Variants in PROKR1 observed in about 807,000 individuals in gnomAD.
PROKR1 encodes the protein G protein-coupled receptor 73.
A neutral mutation model predicts 22.8 loss-of-function variants in PROKR1; 21 were observed. The ratio of observed to expected loss-of-function variants is 0.92; its 90% confidence interval spans 0.65 to 1.32. The LOEUF (loss-of-function observed/expected upper bound fraction) is 1.32, where lower values mean the gene tolerates loss of function less well. Among genes scored for constraint, PROKR1 ranks in the 40% most tolerant of loss-of-function variants. The pLI is 0.00. For missense variants in PROKR1, 548 were observed against 514.2 expected (o/e 1.07, Z -0.64); for synonymous variants, 193 against 207.5 (o/e 0.93, Z 0.60).
chr2:68,645,763 C>T lies in PROKR1; in HGVS notation c.-59C>T. On this transcript the variant is annotated 5_prime_UTR_variant, in exon 2 of 3. Coordinates refer to ENST00000303786, the MANE Select transcript of PROKR1 (RefSeq NM_138964.4). ...GATAGCAGAGAGGGGTGACATCAGC[C>T]TTGCAGACATTGCCCTGGGGAATTC... 4 of 1,613,530 alleles carry T rather than the reference C, an allele frequency of 2.5e-6. No homozygotes were observed. In the South Asian group the frequency reaches 4.4e-5, roughly 18 times the overall value.
At chr2:68,648,740 C>G (rs1018639022) in intron 2 of PROKR1, among the ~76,000 whole-genome samples, 1 of 152,162 alleles carries the variant, frequency 6.6e-6, no homozygotes, top group Non-Finnish European at 1.5e-5. Context: ...TGGTTTATAA[C>G]AGATCTACTT....
chr2:68,651,474 G>A (rs1180967533), intron 2 of PROKR1, among the ~76,000 whole-genome samples: 1 of 152,180 alleles, frequency 6.6e-6, no homozygotes, highest in Non-Finnish European at 1.5e-5. Context: ...AGCGTGTGGG[G>A]GCTCCAGAGA....
chr2:68,652,980 C>T (rs1673367743), intron 2 of PROKR1, among the ~76,000 whole-genome samples: 1 of 152,174 alleles, frequency 6.6e-6, no homozygotes, highest in Non-Finnish European at 1.5e-5. Context: ...GGTGAAAATT[C>T]TTATAGTGAA....
intron 1 of PROKR1, among the ~76,000 whole-genome samples, chr2:68,645,117 G>A (rs2104178380): frequency 6.6e-6 from 1 of 152,290 alleles, no homozygotes; most frequent in African/African-American, 2.4e-5. Flanking sequence ...TCATCACTTG[G>A]TTAGTCACAG....
chr2:68,655,427 G>A lies in PROKR1; in HGVS notation c.1033G>A (p.Val345Ile), dbSNP rs377207792. The A allele has an allele frequency of 3.3e-5, 53 of 1,613,942 alleles. No individual in the cohort carries two copies. Among genetic ancestry groups the A allele is most frequent in the Non-Finnish European group, 4.0e-5 (47 of 1,179,912 alleles). ...GATCAACACTCTGTGCTTCGTGACC[G>A]TCAAGAACGACACCGTCAAGTACTT... The part of the protein sequence containing the change: ...SMINTLCFVT[V>I]KNDTVKYFKK... Residue 345 changes from valine to isoleucine, a missense_variant, in exon 3 of 3, where the codon GTC becomes ATC. By Grantham distance (29) the Val-to-Ile change is conservative. Coordinates refer to ENST00000303786, the MANE Select transcript of PROKR1 (RefSeq NM_138964.4).
At position 68,655,123 on chromosome 2, in the gene PROKR1, C is replaced by T; in HGVS notation, c.729C>T (p.Gly243=). 6.2e-7 allele frequency: 1 copy of T among 1,614,192 alleles called. No individual in the cohort carries two copies. Among genetic ancestry groups the T allele is most frequent in the Non-Finnish European group, 8.5e-7 (1 of 1,180,050 alleles). The change falls in exon 3 of 3, where the codon GGC becomes GGT. Residue 243 remains glycine, a synonymous_variant. Coordinates refer to ENST00000303786, the MANE Select transcript of PROKR1 (RefSeq NM_138964.4). ...TTATCTTTGGCATAGAATTCGTGGGCCCCGTGGTCACCATGACCCTGTGCT... is the reference window on the plus strand; with the variant it reads ...TTATCTTTGGCATAGAATTCGTGGGTCCCGTGGTCACCATGACCCTGTGCT... ...FLFIFGIEFV[G]PVVTMTLCYA... is the part of the protein sequence containing the mutation.
intron 2 of PROKR1, among the ~76,000 whole-genome samples, chr2:68,647,390 T>C (rs1673210128): frequency 6.6e-6 from 1 of 152,192 alleles, no homozygotes; most frequent in Non-Finnish European, 1.5e-5. Context: ...ACAATTATCC[T>C]GAGGATCAAA....
chr2:68,651,703 CA>C (rs1474741420), intron 2 of PROKR1, among the ~76,000 whole-genome samples: 2 of 152,182 alleles, frequency 1.3e-5, no homozygotes, highest in Non-Finnish European at 2.9e-5. Flanking sequence ...CTGCTGAGAC[CA>C]CTGTTACCAT....
intron 2 of PROKR1, among the ~76,000 whole-genome samples, chr2:68,653,625 C>G (rs979138075): frequency 6.6e-6 from 1 of 152,098 alleles, no homozygotes; most frequent in Non-Finnish European, 1.5e-5. Flanking sequence ...TCAATCCCCT[C>G]CCACTTCACT....
Position 68,655,832 on chromosome 2 carries a change from T to A in PROKR1, c.*256T>A. The A allele has an allele frequency of 1.9e-6, 1 of 522,794 alleles. No individual in the cohort carries two copies. Among genetic ancestry groups the A allele is most frequent in the Non-Finnish European group, 3.5e-6 (1 of 288,198 alleles). The allele number at this position is 522,794 out of a possible 1,614,324, so 32.4% of individuals were successfully genotyped here. On this transcript the variant is annotated 3_prime_UTR_variant, in exon 3 of 3. Coordinates refer to ENST00000303786, the MANE Select transcript of PROKR1 (RefSeq NM_138964.4). ...TAAAACCTATATATGTTGATGACAT[T>A]TAGTTGGCAAAATGAAATTGGAATT...
Position 68,643,599 on chromosome 2 carries a change from A to G in PROKR1, c.-410A>G, listed in dbSNP as rs1673112156. 6.6e-6 allele frequency: 1 copy of G among 152,238 alleles called. No homozygotes were observed. Among genetic ancestry groups the G allele is most frequent in the Admixed American group, 6.5e-5 (1 of 15,286 alleles). The allele number at this position is 152,238 out of a possible 1,614,324, so 9.4% of individuals were successfully genotyped here. A position where few individuals can be genotyped will look rare whatever the true frequency, so the allele number is the denominator to read the frequency against. ...AGCCCAGCTGGCGACACGCCTCGCC[A>G]AGAGCCCGCACCTCGGCGCCTCACG... On this transcript the variant is annotated 5_prime_UTR_variant, in exon 1 of 3. Transcript: ENST00000303786.
Position 68,655,441 on chromosome 2 carries a change from C to A in PROKR1, c.1047C>A (p.Thr349=), listed in dbSNP as rs1484543815. The stretch of plus-strand genomic sequence containing the variant: ...GCTTCGTGACCGTCAAGAACGACAC[C>A]GTCAAGTACTTCAAAAAGATCATGT... ...TLCFVTVKND[T]VKYFKKIMLL... Residue 349 remains threonine, a synonymous_variant, in exon 3 of 3, where the codon ACC becomes ACA. Coordinates refer to ENST00000303786, the MANE Select transcript of PROKR1 (RefSeq NM_138964.4). The A allele has an allele frequency of 6.2e-7, 1 of 1,614,038 alleles. No homozygotes were observed. Among genetic ancestry groups the A allele is most frequent in the East Asian group, 2.2e-5 (1 of 44,884 alleles).
At chr2:68,644,378 G>A (rs1426244214) in intron 1 of PROKR1, among the ~76,000 whole-genome samples, 3 of 152,130 alleles carry the variant, frequency 2.0e-5, no homozygotes, top group Middle Eastern at 3.2e-3. Flanking sequence ...TTTCAGCTGA[G>A]TTCTGCCTCT....
chr2:68,644,199 T>G (rs1228128469), intron 1 of PROKR1, among the ~76,000 whole-genome samples: 2 of 152,140 alleles, frequency 1.3e-5, no homozygotes, highest in Admixed American at 6.5e-5. Flanking sequence ...GACGCCCTCC[T>G]CTCCACCCCC....
intron 2 of PROKR1, chr2:68,649,652 A>G (rs1022477793): frequency 2.0e-5 from 3 of 152,256 alleles, no homozygotes; most frequent in Admixed American, 2.0e-4. Flanking sequence ...AAAGAAGTAC[A>G]CAGGTAAAAT....
chr2:68,645,745 G>C lies in PROKR1; in HGVS notation c.-77G>C. ...ATTAAGGGAGAGCTGGCTGATAGCA[G>C]AGAGGGGTGACATCAGCCTTGCAGA... is the stretch of plus-strand genomic sequence containing the variant. On this transcript the variant is annotated 5_prime_UTR_variant, in exon 2 of 3. Coordinates refer to ENST00000303786, the MANE Select transcript of PROKR1 (RefSeq NM_138964.4). The C allele has an allele frequency of 1.3e-6, 2 of 1,597,482 alleles. No homozygotes were observed.
intron 2 of PROKR1, among the ~76,000 whole-genome samples, chr2:68,649,021 A>G (rs1190338404): frequency 6.6e-6 from 1 of 152,210 alleles, no homozygotes; most frequent in African/African-American, 2.4e-5. Flanking sequence ...TGGATATGAT[A>G]ATTCTTAAAT....
chr2:68,653,259 T>C (rs934881334), intron 2 of PROKR1, among the ~76,000 whole-genome samples: 3 of 152,184 alleles, frequency 2.0e-5, no homozygotes, highest in African/African-American at 4.8e-5. Flanking sequence ...GTGCCAGGGA[T>C]GGCAGTCGGC....
rs1349398416 is a variant in PROKR1 at position 68,645,805 on chromosome 2, C to T, written c.-17C>T. The T allele has an allele frequency of 6.2e-7, 1 of 1,614,158 alleles. No homozygotes were observed. The highest frequency in any genetic ancestry group is 8.5e-7 in the Non-Finnish European group (1 of 1,180,028). On this transcript the variant is annotated 5_prime_UTR_variant, in exon 2 of 3. Coordinates refer to ENST00000303786, the MANE Select transcript of PROKR1 (RefSeq NM_138964.4). ...GGGGAATTCTGAGCAGTGTTGCTCA[C>T]AGCACCACCTGGCCAGATGGAGACC...
Sources: allele counts gnomAD v4.1 joint callset (sites outside exome capture counted in the v4.1 genomes callset), GRCh38; gene constraint gnomAD v4.1.1; transcripts MANE v1.5; gene names NCBI Gene and HGNC (gene_info 2026-07-23, HGNC 2026-07-21).